FAM241A: variants seen among roughly 807,000 people sequenced by gnomAD.
FAM241A encodes uncharacterized protein FAM241A.
In FAM241A, 7 loss-of-function variants were observed where a neutral mutation model predicts 12.2. The observed-to-expected ratio is 0.58, with a 90% CI of 0.33 to 1.08. The LOEUF is 1.08. Ranked by LOEUF, FAM241A falls within the 50% of genes least tolerant of loss-of-function variation. FAM241A has a pLI of 0.04. For missense variants in FAM241A, 161 were observed against 169.7 expected (o/e 0.95, Z 0.29); for synonymous variants, 74 against 68.2 (o/e 1.08, Z -0.42).
chr4:112,191,754 C>G lies in FAM241A; in HGVS notation c.*4816C>G, dbSNP rs1473406731. ...GGTTCTTCATTATGGCTTGGTTTCTCAAGTGCAACCCTGTGCTTTCCAGGT... is the reference window on the plus strand; with the variant it reads ...GGTTCTTCATTATGGCTTGGTTTCTGAAGTGCAACCCTGTGCTTTCCAGGT... On this transcript the variant is annotated 3_prime_UTR_variant, in exon 2 of 2. Transcript: ENST00000309733. The G allele has an allele frequency of 1.3e-5, 2 of 152,182 alleles. No homozygotes were observed. Among genetic ancestry groups the G allele is most frequent in the African/African-American group, 4.8e-5 (2 of 41,414 alleles). 9.4% of individuals were successfully genotyped at this position (152,182 alleles called of 1,614,324 possible).
At chr4:112,145,976 C>T (rs912984438) in intron 1 of FAM241A, among the ~76,000 whole-genome samples, 24 of 152,042 alleles carry the variant, frequency 1.6e-4, no homozygotes, top group African/African-American at 5.8e-4. Context: ...CTGGCGGGGT[C>T]AGCGTGGTTC....
chr4:112,148,020 T>C (rs2110417877), intron 1 of FAM241A, among the ~76,000 whole-genome samples: 1 of 152,272 alleles, frequency 6.6e-6, no homozygotes, highest in South Asian at 2.1e-4. Context: ...TTGTATGCTC[T>C]TGAACACCAT....
At chr4:112,168,488 T>A (rs1260677439) in intron 1 of FAM241A, among the ~76,000 whole-genome samples, 1 of 152,180 alleles carries the variant, frequency 6.6e-6, no homozygotes, top group Non-Finnish European at 1.5e-5. Flanking sequence ...GGAAACAATA[T>A]ACTCCCAAAC....
In FAM241A at chr4:112,190,217, T is replaced by C. The variant is rs1724137152; in HGVS notation, c.*3279T>C. On this transcript the variant is annotated 3_prime_UTR_variant, in exon 2 of 2. Coordinates refer to ENST00000309733, the MANE Select transcript of FAM241A (RefSeq NM_152400.3). ...AATTACAGTATAAGTAAAGGTCTGT[T>C]GTAATATAGAAAGCTCAAAATAGTC... 1 of 152,222 alleles carries C rather than the reference T, an allele frequency of 6.6e-6. No individual in the cohort carries two copies. The highest frequency in any genetic ancestry group is 2.4e-5 in the African/African-American group (1 of 41,466). The allele number at this position is 152,222 out of a possible 1,614,324, so 9.4% of individuals were successfully genotyped here. A position where few individuals can be genotyped will look rare whatever the true frequency, so the allele number is the denominator to read the frequency against.
intron 1 of FAM241A, among the ~76,000 whole-genome samples, chr4:112,180,590 T>TTTG (rs1419964319): frequency 6.6e-6 from 1 of 152,168 alleles, no homozygotes; most frequent in African/African-American, 2.4e-5. Flanking sequence ...GACTGATACA[T>TTTG]TTGTAAAATA....
At position 112,178,133 on chromosome 4, in the gene FAM241A, G is replaced by A. The variant is rs186326863; in HGVS notation, c.154-8560G>A. Among the ~76,000 whole-genome samples, 635 of 152,206 alleles carry A rather than the reference G, an allele frequency of 4.2e-3. 5 individuals are homozygous for A. The highest frequency in any genetic ancestry group is 0.015 in the African/African-American group (609 of 41,538). ...TAGTGACAGAAAATAGATATATAAA[G>A]AAATAATTTTATAGCAAAATACTAT... is the stretch of plus-strand genomic sequence containing the variant. On this transcript the variant is annotated intron_variant, in intron 1 of 1. Coordinates refer to ENST00000309733, the MANE Select transcript of FAM241A (RefSeq NM_152400.3).
At chr4:112,185,300 T>G (rs1724016125) in intron 1 of FAM241A, among the ~76,000 whole-genome samples, 1 of 152,122 alleles carries the variant, frequency 6.6e-6, no homozygotes, top group Admixed American at 6.6e-5. Context: ...TAATTTAATA[T>G]AAGTAATTGT....
At chr4:112,152,619 T>C (rs977634380) in intron 1 of FAM241A, among the ~76,000 whole-genome samples, 1 of 152,152 alleles carries the variant, frequency 6.6e-6, no homozygotes, top group Non-Finnish European at 1.5e-5. Flanking sequence ...CTCCTTTCTG[T>C]CTCTGTTGAG....
chr4:112,153,473 C>T (rs2110420554), intron 1 of FAM241A, among the ~76,000 whole-genome samples: 1 of 152,274 alleles, frequency 6.6e-6, no homozygotes, highest in East Asian at 1.9e-4. Flanking sequence ...GTAACAGCCA[C>T]CTATCTCCGA....
intron 1 of FAM241A, among the ~76,000 whole-genome samples, chr4:112,171,716 A>G (rs1251284726): frequency 6.6e-6 from 1 of 152,064 alleles, no homozygotes; most frequent in African/African-American, 2.4e-5. Flanking sequence ...AAAATTAGCC[A>G]GGCATGGTGG....
chr4:112,171,332 G>T, intron 1 of FAM241A: 1 of 753,498 alleles, frequency 1.3e-6, no homozygotes, highest in Non-Finnish European at 2.4e-6. Context: ...AGGGAAAGCG[G>T]TGTTACGACA....
Position 112,187,554 on chromosome 4 carries a change from A to C in FAM241A, c.*616A>C, listed in dbSNP as rs1010161297. On this transcript the variant is annotated 3_prime_UTR_variant, in exon 2 of 2. Transcript: ENST00000309733. ...TAATATATTTATTATTACTGGGGAA[A>C]GCTCCCAGGTTAAATATAACTTTTT... The C allele has an allele frequency of 6.6e-6, 1 of 152,574 alleles. No homozygotes were observed. The highest frequency in any genetic ancestry group is 1.5e-5 in the Non-Finnish European group (1 of 67,994). 9.5% of individuals were successfully genotyped at this position (152,574 alleles called of 1,614,324 possible).
In FAM241A at chr4:112,194,592, A is replaced by T. The variant is rs1724230812; in HGVS notation, c.*7654A>T. 2.6e-5 allele frequency: 4 copies of T among 152,098 alleles called. No homozygotes were observed. The South Asian group carries it at 6.2e-4, about 24-fold the overall frequency. 9.4% of individuals were successfully genotyped at this position (152,098 alleles called of 1,614,324 possible). ...GAATTTTGTCAAAGGCCTTTTCTGCATCTATTGAGATAATCATGTGGTTTT... is the reference window on the plus strand; with the variant it reads ...GAATTTTGTCAAAGGCCTTTTCTGCTTCTATTGAGATAATCATGTGGTTTT... On this transcript the variant is annotated 3_prime_UTR_variant, in exon 2 of 2. Coordinates refer to ENST00000309733, the MANE Select transcript of FAM241A (RefSeq NM_152400.3).
intron 1 of FAM241A, among the ~76,000 whole-genome samples, chr4:112,181,971 A>G (rs1723950950): frequency 6.6e-6 from 1 of 152,232 alleles, no homozygotes; most frequent in Non-Finnish European, 1.5e-5. Flanking sequence ...GGACTTGTGC[A>G]GTAGCAGTGT....
intron 1 of FAM241A, among the ~76,000 whole-genome samples, chr4:112,178,885 A>G (rs1723873512): frequency 6.6e-6 from 1 of 152,200 alleles, no homozygotes; most frequent in African/African-American, 2.4e-5. Context: ...AATGCTCATC[A>G]TCACTCATGA....
chr4:112,164,053 G>T (rs1421935825), intron 1 of FAM241A, among the ~76,000 whole-genome samples: 2 of 142,872 alleles, frequency 1.4e-5, no homozygotes, highest in Non-Finnish European at 1.5e-5. Flanking sequence ...TCATAGGTGG[G>T]AATTGAACAA....
intron 1 of FAM241A, among the ~76,000 whole-genome samples, chr4:112,178,670 A>G (rs1723869511): frequency 1.3e-5 from 2 of 152,234 alleles, no homozygotes; most frequent in Non-Finnish European, 2.9e-5. Context: ...ATTTCTGCAC[A>G]GCAAAAGAAA....
intron 1 of FAM241A, among the ~76,000 whole-genome samples, chr4:112,175,231 TG>T (rs1328074179): frequency 6.6e-6 from 1 of 152,240 alleles, no homozygotes; most frequent in Non-Finnish European, 1.5e-5. Flanking sequence ...ATTATGTCAA[TG>T]AAACCGTCTC....
At chr4:112,164,368 A>G (rs578145187) in intron 1 of FAM241A, among the ~76,000 whole-genome samples, 1 of 151,168 alleles carries the variant, frequency 6.6e-6, no homozygotes, top group South Asian at 2.1e-4. Context: ...CAAACACTGC[A>G]TGTTCTCACT....
Sources: allele counts gnomAD v4.1 joint callset (sites outside exome capture counted in the v4.1 genomes callset), GRCh38; gene constraint gnomAD v4.1.1; transcripts MANE v1.5; gene names NCBI Gene and HGNC (gene_info 2026-07-23, HGNC 2026-07-21).